SENP7: variants seen among roughly 807,000 people sequenced by gnomAD.
The protein encoded by SENP7 is SUMO specific peptidase 7, also known as sentrin-specific protease 7.
In SENP7, 64 loss-of-function variants were observed where a neutral mutation model predicts 141.2. The observed-to-expected ratio is 0.45, with a 90% CI of 0.37 to 0.56. The LOEUF (loss-of-function observed/expected upper bound fraction) is 0.56, where lower values mean the gene tolerates loss of function less well. Ranked by LOEUF, SENP7 falls within the 20% of genes least tolerant of loss-of-function variation. The pLI, the probability that SENP7 is intolerant of heterozygous loss-of-function variation, is 0.00. For synonymous variants in SENP7, 382 were observed against 426.4 expected (o/e 0.90, Z 1.28); for missense variants, 1,025 against 1,212.2 (o/e 0.85, Z 2.29).
chr3:101,339,463 T>C (rs2059272758), intron 16 of SENP7, among the ~76,000 whole-genome samples: 1 of 152,238 alleles, frequency 6.6e-6, no homozygotes, highest in Admixed American at 6.5e-5. Context: ...ATTCTTAAAA[T>C]GATAGTTAAC....
intron 1 of SENP7, among the ~76,000 whole-genome samples, chr3:101,507,003 T>C (rs370539155): frequency 1.7e-4 from 26 of 150,566 alleles, no homozygotes; most frequent in African/African-American, 3.2e-4. Flanking sequence ...CAAGGCTGCA[T>C]TGAGCTATGA....
chr3:101,463,402 T>TATATACACAC (rs1553744837), intron 3 of SENP7, among the ~76,000 whole-genome samples: 2 of 101,248 alleles, frequency 2.0e-5, no homozygotes, highest in African/African-American at 7.8e-5. Flanking sequence ...TATATACATA[T>TATATACACAC]ATATATATAT....
chr3:101,368,746 A>AG (rs917557624), intron 7 of SENP7, among the ~76,000 whole-genome samples: 4 of 152,100 alleles, frequency 2.6e-5, no homozygotes, highest in African/African-American at 4.8e-5. Flanking sequence ...ATAATAAAAA[A>AG]GGGGGGGTCT....
At chr3:101,476,641 G>A (rs1028314723) in intron 3 of SENP7, among the ~76,000 whole-genome samples, 1 of 152,126 alleles carries the variant, frequency 6.6e-6, no homozygotes, top group Non-Finnish European at 1.5e-5. Flanking sequence ...TGGTCAAATG[G>A]TATTTCTGGT....
chr3:101,397,984 C>A (rs1303919080), intron 6 of SENP7, among the ~76,000 whole-genome samples: 1 of 152,198 alleles, frequency 6.6e-6, no homozygotes, highest in Non-Finnish European at 1.5e-5. Context: ...AAAACAAAGG[C>A]AACTTCAGAT....
intron 4 of SENP7, among the ~76,000 whole-genome samples, chr3:101,429,770 T>C (rs1435779515): frequency 2.0e-5 from 3 of 152,194 alleles, no homozygotes; most frequent in Admixed American, 6.5e-5. Flanking sequence ...CTTGCGCCAG[T>C]TGTCAAATGG....
chr3:101,404,201 G>A (rs1036281354), intron 5 of SENP7, among the ~76,000 whole-genome samples: 8 of 152,046 alleles, frequency 5.3e-5, no homozygotes, highest in African/African-American at 1.9e-4. Flanking sequence ...AAAACAGCAT[G>A]GTACTGGTAC....
intron 6 of SENP7, among the ~76,000 whole-genome samples, chr3:101,373,436 A>C (rs1311748468): frequency 2.6e-5 from 4 of 152,180 alleles, no homozygotes. Context: ...CACTACAGGC[A>C]CTATAAACAA....
At chr3:101,487,301 A>G (rs1017838246) in intron 3 of SENP7, among the ~76,000 whole-genome samples, 1 of 152,084 alleles carries the variant, frequency 6.6e-6, no homozygotes, top group Non-Finnish European at 1.5e-5. Context: ...GTAAAAACAT[A>G]TATTATTTTT....
rs143113024 is a variant in SENP7, at chr3:101,430,714, G to A, written c.285-12924C>T. 4.0e-4 allele frequency among the ~76,000 whole-genome samples: 60 copies of A among 151,754 alleles called. No individual in the cohort carries two copies. In the East Asian group the frequency reaches 7.0e-3, roughly 18 times the overall value. Reference sequence around the variant, plus strand: ...TCAGTTCTGCTCTGATCTATTTCTCGCCTTCTTCTAGCTTTTGAATTTGTT... The same window carrying A: ...TCAGTTCTGCTCTGATCTATTTCTCACCTTCTTCTAGCTTTTGAATTTGTT... On this transcript the variant is annotated intron_variant, in intron 4 of 23. Transcript: ENST00000394095.
At chr3:101,419,987 T>C (rs970146197) in intron 4 of SENP7, among the ~76,000 whole-genome samples, 1 of 152,186 alleles carries the variant, frequency 6.6e-6, no homozygotes, top group African/African-American at 2.4e-5. Flanking sequence ...CCACACACTC[T>C]CAAATTTCTT....
At chr3:101,387,148 C>T (rs562005204) in intron 6 of SENP7, among the ~76,000 whole-genome samples, 50 of 152,250 alleles carry the variant, frequency 3.3e-4, no homozygotes, top group African/African-American at 1.1e-3. Context: ...CCAATGCAGC[C>T]GGTGCCCACA....
intron 16 of SENP7, 37 bp from the exon 17 acceptor site, chr3:101,337,668 T>C (rs1171900942): frequency 1.4e-6 from 2 of 1,472,464 alleles, no homozygotes; most frequent in South Asian, 1.4e-5. Flanking sequence ...AAATTATTTT[T>C]AGATTTTACT....
At chr3:101,359,443 T>C (rs1420099034) in intron 11 of SENP7, among the ~76,000 whole-genome samples, 1 of 150,882 alleles carries the variant, frequency 6.6e-6, no homozygotes. Context: ...CAAACAGGGA[T>C]AGTTTGACTT....
chr3:101,495,967 T>C (rs1198790887), intron 2 of SENP7, among the ~76,000 whole-genome samples: 1 of 152,218 alleles, frequency 6.6e-6, no homozygotes, highest in Non-Finnish European at 1.5e-5. Context: ...CAATACATGT[T>C]GAATACCCAA....
At chr3:101,456,664 A>T (rs941895321) in intron 4 of SENP7, among the ~76,000 whole-genome samples, 1 of 152,190 alleles carries the variant, frequency 6.6e-6, no homozygotes, top group African/African-American at 2.4e-5. Context: ...AAAACTAAAA[A>T]ACAAAATTAA....
At chr3:101,456,189 A>G (rs1242351602) in intron 4 of SENP7, among the ~76,000 whole-genome samples, 1 of 152,104 alleles carries the variant, frequency 6.6e-6, no homozygotes, top group Non-Finnish European at 1.5e-5. Flanking sequence ...TTGGTACAAA[A>G]TTTTGAAATG....
At chr3:101,476,348 T>C (rs1218320246) in intron 3 of SENP7, among the ~76,000 whole-genome samples, 2 of 151,828 alleles carry the variant, frequency 1.3e-5, no homozygotes, top group South Asian at 2.1e-4. Flanking sequence ...GAACATGCAG[T>C]GTCTGGTTTT....
chr3:101,488,630 T>C (rs1385873200), intron 3 of SENP7, among the ~76,000 whole-genome samples: 1 of 152,140 alleles, frequency 6.6e-6, no homozygotes, highest in East Asian at 1.9e-4. Flanking sequence ...TTGCCTGAGC[T>C]CAGAAGTTCG....
Sources: gnomAD v4.1 joint callset for allele counts (sites outside exome capture counted in the v4.1 genomes callset) on GRCh38, gnomAD v4.1.1 for gene constraint, MANE v1.5 for transcripts, NCBI Gene and HGNC (gene_info 2026-07-23, HGNC 2026-07-21) for gene names.